GATAD2B: variants seen among roughly 807,000 people sequenced by gnomAD.
GATAD2B encodes transcriptional repressor p66-beta.
GATAD2B carries 8 observed loss-of-function variants against 64.3 expected under a neutral mutation model. The ratio of observed to expected loss-of-function variants is 0.12; its 90% CI spans 0.07 to 0.22. The LOEUF (loss-of-function observed/expected upper bound fraction) is 0.22, where lower values mean the gene tolerates loss of function less well. GATAD2B is among the 10% of genes least tolerant of loss of function. The pLI is 1.00. For missense variants in GATAD2B, 453 were observed against 752.0 expected (o/e 0.60, Z 4.65); for synonymous variants, 281 against 271.3 (o/e 1.04, Z -0.35).
At chr1:153,878,862 C>T (rs934473766) in intron 1 of GATAD2B, among the ~76,000 whole-genome samples, 1 of 148,974 alleles carries the variant, frequency 6.7e-6, no homozygotes, top group Non-Finnish European at 1.5e-5. Context: ...ACTGCAACCT[C>T]CACCTCCCAG....
chr1:153,865,475 T>A (rs898909280), intron 1 of GATAD2B, among the ~76,000 whole-genome samples: 28 of 151,498 alleles, frequency 1.8e-4, no homozygotes, highest in Admixed American at 1.3e-3. Flanking sequence ...ACAAATAATT[T>A]AAAAAAAAAT....
At chr1:153,870,702 T>C (rs547402184) in intron 1 of GATAD2B, among the ~76,000 whole-genome samples, 1 of 152,314 alleles carries the variant, frequency 6.6e-6, no homozygotes, top group South Asian at 2.1e-4. Flanking sequence ...AGCTATATGT[T>C]TAAGGTATAT....
chr1:153,910,068 A>C (rs10908525), intron 1 of GATAD2B, among the ~76,000 whole-genome samples: 88,695 of 151,716 alleles, frequency 0.58, 27,123 homozygotes, highest in East Asian at 0.94. Flanking sequence ...TGAGCCAAGA[A>C]TGCGCCACTG....
intron 1 of GATAD2B, among the ~76,000 whole-genome samples, chr1:153,875,866 C>T (rs1676809887): frequency 6.6e-6 from 1 of 152,094 alleles, no homozygotes; most frequent in Non-Finnish European, 1.5e-5. Flanking sequence ...CATTTAGAAC[C>T]TCTGGAGATA....
chr1:153,883,700 GTCT>G (rs1221950469), intron 1 of GATAD2B, among the ~76,000 whole-genome samples: 2 of 151,342 alleles, frequency 1.3e-5, no homozygotes, highest in Non-Finnish European at 2.9e-5. Flanking sequence ...GACTGCACTG[GTCT>G]TTTTTTTTTT....
intron 1 of GATAD2B, among the ~76,000 whole-genome samples, chr1:153,849,800 T>C (rs1315694946): frequency 1.3e-5 from 2 of 151,870 alleles, no homozygotes; most frequent in Non-Finnish European, 2.9e-5. Flanking sequence ...CCAGCTAATG[T>C]TTTGTATTTT....
chr1:153,913,305 A>G (rs1056833469), intron 1 of GATAD2B, among the ~76,000 whole-genome samples: 3 of 152,172 alleles, frequency 2.0e-5, no homozygotes, highest in Non-Finnish European at 4.4e-5. Flanking sequence ...AAAAATAATC[A>G]AAGGTATTGT....
In GATAD2B at chr1:153,897,532, G is replaced by A. The variant is rs973473323; in HGVS notation, c.-2+25201C>T. Among the ~76,000 whole-genome samples the A allele has an allele frequency of 3.9e-5, 6 of 152,288 alleles. No individual in the cohort carries two copies. In the East Asian group the frequency reaches 1.2e-3, roughly 29 times the overall value. On this transcript the variant is annotated intron_variant, in intron 1 of 10. Transcript: ENST00000368655. ...AACTATCTCAGACTACCCAATGTGG[G>A]TGCAAGAGAAAGATGAGTGCTTCTC...
intron 1 of GATAD2B, chr1:153,852,458 C>T (rs925750369): frequency 2.6e-6 from 2 of 757,640 alleles, no homozygotes; most frequent in African/African-American, 3.4e-5. Context: ...GCTGCTAAGT[C>T]AGGTTGCAGG....
intron 1 of GATAD2B, among the ~76,000 whole-genome samples, chr1:153,914,343 T>C (rs1051836756): frequency 6.6e-6 from 1 of 151,922 alleles, no homozygotes; most frequent in Non-Finnish European, 1.5e-5. Flanking sequence ...TTACATGCAT[T>C]ATCTTATTTG....
At chr1:153,854,206 T>C (rs188650671) in intron 1 of GATAD2B, among the ~76,000 whole-genome samples, 4 of 152,088 alleles carry the variant, frequency 2.6e-5, no homozygotes, top group African/African-American at 9.6e-5. Context: ...ATCGAGACCG[T>C]CCTGGCTAAC....
intron 1 of GATAD2B, among the ~76,000 whole-genome samples, chr1:153,902,828 C>T (rs1677819750): frequency 1.3e-5 from 2 of 152,124 alleles, no homozygotes; most frequent in South Asian, 4.1e-4. Context: ...TATCCTCTAA[C>T]GTACCTATGT....
intron 2 of GATAD2B, among the ~76,000 whole-genome samples, chr1:153,820,220 G>A (rs1400661941): frequency 6.6e-6 from 1 of 151,950 alleles, no homozygotes; most frequent in African/African-American, 2.4e-5. Context: ...CAGCCTTACA[G>A]AAAAGGATTA....
At chr1:153,900,013 C>T (rs1041610501) in intron 1 of GATAD2B, among the ~76,000 whole-genome samples, 2 of 152,158 alleles carry the variant, frequency 1.3e-5, no homozygotes, top group African/African-American at 4.8e-5. Context: ...CTAACTGTTC[C>T]TCAGAAGTGG....
intron 10 of GATAD2B, among the ~76,000 whole-genome samples, chr1:153,810,822 G>A (rs1279047614): frequency 6.6e-6 from 1 of 151,434 alleles, no homozygotes; most frequent in Non-Finnish European, 1.5e-5. Flanking sequence ...GAGGTGCAGT[G>A]GCACAATCTC....
chr1:153,847,374 T>C (rs891367235), intron 1 of GATAD2B, among the ~76,000 whole-genome samples: 1 of 152,164 alleles, frequency 6.6e-6, no homozygotes, highest in African/African-American at 2.4e-5. Flanking sequence ...CACACTTCTG[T>C]AGATAAGTAA....
At chr1:153,838,288 T>C (rs1036250858) in intron 1 of GATAD2B, among the ~76,000 whole-genome samples, 3 of 152,188 alleles carry the variant, frequency 2.0e-5, no homozygotes, top group African/African-American at 7.2e-5. Flanking sequence ...AGTCAGACAT[T>C]AGGAGTAAAG....
chr1:153,822,397 A>C (rs1403488145), intron 2 of GATAD2B, among the ~76,000 whole-genome samples: 10 of 152,166 alleles, frequency 6.6e-5, no homozygotes, highest in African/African-American at 1.7e-4. Flanking sequence ...GAGATTTGGG[A>C]ACTGTATGCC....
At chr1:153,892,163 CAAA>C (rs900308080) in intron 1 of GATAD2B, among the ~76,000 whole-genome samples, 12 of 50,320 alleles carry the variant, frequency 2.4e-4, no homozygotes, top group African/African-American at 8.6e-4. Context: ...GACTCCGTCT[CAAA>C]AAAAAAAAAA....
Sources: gnomAD v4.1 joint callset for allele counts (sites outside exome capture counted in the v4.1 genomes callset) on GRCh38, gnomAD v4.1.1 for gene constraint, MANE v1.5 for transcripts, NCBI Gene and HGNC (gene_info 2026-07-23, HGNC 2026-07-21) for gene names.